MBTPS2: variants seen among roughly 807,000 people sequenced by gnomAD.
MBTPS2 encodes the protein membrane-bound transcription factor site-2 protease.
In MBTPS2, 2 loss-of-function variants were observed where a neutral mutation model predicts 35.4. The ratio of observed to expected loss-of-function variants is 0.06; its 90% confidence interval spans 0.02 to 0.18. The LOEUF (loss-of-function observed/expected upper bound fraction) is 0.18, where lower values mean the gene tolerates loss of function less well. MBTPS2 is among the 10% of genes least tolerant of loss of function. MBTPS2 has a pLI of 1.00. For synonymous variants in MBTPS2, 125 were observed against 140.4 expected, an observed-to-expected ratio of 0.89 and a Z score of 0.77; for missense variants, 244 against 386.5, an observed-to-expected ratio of 0.63 and a Z score of 3.09.
chrX:21,879,841 T>G (rs989836075), intron 9 of MBTPS2, among the ~76,000 whole-genome samples: 1 of 110,954 alleles, frequency 9.0e-6, no homozygotes, highest in Non-Finnish European at 1.9e-5. Flanking sequence ...TGTTGTGGCA[T>G]GAATTAGTAC....
chrX:21,871,604 G>A (rs1163550264), intron 7 of MBTPS2: 1 of 111,603 alleles, frequency 9.0e-6, no homozygotes, highest in Non-Finnish European at 1.9e-5. Context: ...TCTGATATCT[G>A]GTTGGTATTC....
chrX:21,846,464 G>A (rs762263485), intron 3 of MBTPS2, among the ~76,000 whole-genome samples: 89 of 112,100 alleles, frequency 7.9e-4, no homozygotes, highest in Non-Finnish European at 1.4e-3. Flanking sequence ...TCCGCCTCGC[G>A]GGTTCGAGCG....
chrX:21,842,293 G>T (rs1204886072), intron 1 of MBTPS2, among the ~76,000 whole-genome samples: 1 of 111,941 alleles, frequency 8.9e-6, no homozygotes, highest in Non-Finnish European at 1.9e-5. Flanking sequence ...GAATTTAAGG[G>T]ACATTATTGA....
In MBTPS2 at chrX:21,883,696, C is replaced by G. The variant is rs56079719; in HGVS notation, c.*1041C>G. ...TGTGTCAGGTTATTAAGTACCTAGT[C>G]CTTGTTTTCTGTCTCTCTCCTAAGC... On this transcript the variant is annotated 3_prime_UTR_variant, in exon 11 of 11. Transcript: ENST00000379484. The G allele has an allele frequency of 0.039, 29,481 of 752,010 alleles. 451 individuals carry two copies. Among genetic ancestry groups the G allele is most frequent in the Non-Finnish European group, 0.043 (27,397 of 638,871 alleles). 62.0% of individuals were successfully genotyped at this position (752,010 alleles called of 1,213,427 possible).
Position 21,882,742 on chromosome X carries a change from G to T in MBTPS2, c.*87G>T. On this transcript the variant is annotated 3_prime_UTR_variant, in exon 11 of 11. Coordinates refer to ENST00000379484, the MANE Select transcript of MBTPS2 (RefSeq NM_015884.4). ...TGCCATTGAAATTCTTACTTGGTAT[G>T]AAATATAAAGTGTTTCCTTAAAATT... 8.4e-7 allele frequency: 1 copy of T among 1,184,306 alleles called. No individual in the cohort carries two copies. Among genetic ancestry groups the T allele is most frequent in the South Asian group, 1.8e-5 (1 of 54,742 alleles).
chrX:21,866,346 G>A (rs1259639665), intron 5 of MBTPS2, among the ~76,000 whole-genome samples: 1 of 111,205 alleles, frequency 9.0e-6, no homozygotes, highest in Admixed American at 9.6e-5. Context: ...AGGAAAAGAT[G>A]AGGTATGAAT....
chrX:21,878,301 A>C (rs779552477), intron 8 of MBTPS2, among the ~76,000 whole-genome samples, 165 bp downstream of exon 8: 94 of 112,176 alleles, frequency 8.4e-4, no homozygotes, highest in Middle Eastern at 4.6e-3. Context: ...AAATCTTTAA[A>C]AATTTATAGT....
chrX:21,867,655 G>A (rs2092941888), intron 5 of MBTPS2, among the ~76,000 whole-genome samples: 1 of 99,324 alleles, frequency 1.0e-5, no homozygotes, highest in Non-Finnish European at 2.0e-5. Flanking sequence ...TTTTTGAGAC[G>A]GAGTCCTGCT....
Position 21,879,532 on chromosome X carries a change from A to G in MBTPS2, c.1261+840A>G, listed in dbSNP as rs758003901. Among the ~76,000 whole-genome samples, 110 of 111,305 alleles carry G rather than the reference A, an allele frequency of 9.9e-4. 1 individual carries two copies. Among genetic ancestry groups the G allele is most frequent in the Non-Finnish European group, 7.2e-4 (38 of 53,034 alleles). ...TGAGCTCAAGCAATTCTCCCTCCTC[A>G]GCCTCCAAAAGTGCTGGGATTACAG... On this transcript the variant is annotated intron_variant, in intron 9 of 10. Transcript: ENST00000379484.
At chrX:21,869,786 C>A in intron 7 of MBTPS2, 108 bp downstream of exon 7, 1 of 643,611 alleles carries the variant, frequency 1.6e-6, no homozygotes, top group Non-Finnish European at 2.5e-6. Flanking sequence ...CTGTTTAAAG[C>A]AAATCAGTAA....
intron 5 of MBTPS2, chrX:21,858,750 T>A (rs1190827271): frequency 8.8e-6 from 1 of 113,811 alleles, no homozygotes; most frequent in Admixed American, 1.0e-4. Context: ...ATTAGCTGAG[T>A]GTGGGGCGCA....
Position 21,885,361 on chromosome X carries a change from G to A in MBTPS2, c.*2706G>A, listed in dbSNP as rs1353414965. 2 of 747,319 alleles carry A rather than the reference G, an allele frequency of 2.7e-6. No individual in the cohort carries two copies. The highest frequency in any genetic ancestry group is 1.4e-4 in the South Asian group (2 of 14,569). The allele number at this position is 747,319 out of a possible 1,213,427, so 61.6% of individuals were successfully genotyped here. On this transcript the variant is annotated 3_prime_UTR_variant, in exon 11 of 11. Coordinates refer to ENST00000379484, the MANE Select transcript of MBTPS2 (RefSeq NM_015884.4). ...TCTTAAGCTTTAACTTGAAGGTATC[G>A]TAATTGCCGGCATTTGATGTTTAGC...
At chrX:21,863,756 G>A (rs967063965) in intron 5 of MBTPS2, among the ~76,000 whole-genome samples, 5 of 111,348 alleles carry the variant, frequency 4.5e-5, no homozygotes, top group African/African-American at 6.5e-5. Context: ...AACTAGTCCC[G>A]CTATCCCAAA....
intron 3 of MBTPS2, among the ~76,000 whole-genome samples, chrX:21,847,698 G>A (rs1166938439): frequency 8.9e-6 from 1 of 112,241 alleles, no homozygotes; most frequent in East Asian, 2.8e-4. Flanking sequence ...TTGAAATAAA[G>A]GTAAGGTAAG....
chrX:21,876,254 C>G (rs2092952929), intron 7 of MBTPS2, among the ~76,000 whole-genome samples: 2 of 111,691 alleles, frequency 1.8e-5, no homozygotes, highest in Admixed American at 1.9e-4. Context: ...AATTAAATAC[C>G]CATTCAGTTA....
At chrX:21,861,715 A>AC (rs1028247469) in intron 5 of MBTPS2, among the ~76,000 whole-genome samples, 14 of 110,132 alleles carry the variant, frequency 1.3e-4, no homozygotes, top group South Asian at 3.9e-4. Flanking sequence ...AAACAAACAA[A>AC]AAAAAACACG....
chrX:21,885,415 T>C lies in MBTPS2; in HGVS notation c.*2760T>C. ...AAAAGAATAAATGTGTACCAGCATT[T>C]TATGTTTATCATCGTCTATGTGTTG... On this transcript the variant is annotated 3_prime_UTR_variant, in exon 11 of 11. Coordinates refer to ENST00000379484, the MANE Select transcript of MBTPS2 (RefSeq NM_015884.4). 1 of 751,871 alleles carries C rather than the reference T, an allele frequency of 1.3e-6. No individual in the cohort carries two copies. The allele number at this position is 751,871 out of a possible 1,213,427, so 62.0% of individuals were successfully genotyped here. A position where few individuals can be genotyped will look rare whatever the true frequency, so the allele number is the denominator to read the frequency against.
chrX:21,881,810 C>A (rs1452518926), intron 10 of MBTPS2, among the ~76,000 whole-genome samples: 2 of 110,431 alleles, frequency 1.8e-5, no homozygotes, highest in Non-Finnish European at 3.8e-5. Context: ...TTGGCATGCA[C>A]CTGTAGTCCC....
intron 2 of MBTPS2, among the ~76,000 whole-genome samples, chrX:21,843,776 A>G (rs766339548): frequency 6.4e-4 from 72 of 111,969 alleles, no homozygotes; most frequent in Non-Finnish European, 1.2e-3. Flanking sequence ...GAAATAGAAA[A>G]TATACAATAG....
Sources: gnomAD v4.1 joint callset for allele counts (sites outside exome capture counted in the v4.1 genomes callset) on GRCh38, gnomAD v4.1.1 for gene constraint, MANE v1.5 for transcripts, NCBI Gene and HGNC (gene_info 2026-07-23, HGNC 2026-07-21) for gene names.